Variants in ROCK2 observed in about 807,000 individuals in gnomAD.
ROCK2 encodes rho-associated protein kinase 2.
Under a neutral mutation model 195.1 loss-of-function variants are expected in ROCK2, and 61 were observed. That is an observed-to-expected ratio of 0.31 (90% CI 0.25 to 0.39). The LOEUF is 0.39. Among genes scored for constraint, ROCK2 ranks in the 10% least tolerant of loss-of-function variants. The probability of loss-of-function intolerance (pLI) is 1.00; values close to 1 mark genes in which losing one functional copy is unlikely to be tolerated. For missense variants in ROCK2, 1,109 were observed against 1,637.4 expected, an observed-to-expected ratio of 0.68 and a Z score of 5.57; for synonymous variants, 504 against 545.5, an observed-to-expected ratio of 0.92 and a Z score of 1.06.
chr2:11,288,633 T>C (rs2148196432), intron 1 of ROCK2, among the ~76,000 whole-genome samples: 1 of 150,070 alleles, frequency 6.7e-6, no homozygotes, highest in African/African-American at 2.4e-5. Context: ...ATGATCAGAC[T>C]GACACCCTGC....
At position 11,255,045 on chromosome 2, in the gene ROCK2, G is replaced by A. The variant is rs368802836; in HGVS notation, c.325-5247C>T. 1.8e-4 allele frequency among the ~76,000 whole-genome samples: 28 copies of A among 151,700 alleles called. 1 individual carries two copies. Among genetic ancestry groups the A allele is most frequent in the African/African-American group, 5.6e-4 (23 of 41,316 alleles). The stretch of plus-strand genomic sequence containing the variant: ...ATCCTGGCTAACACGGTGAAACCCC[G>A]TCTGTACTAAAAATACAAAAAATTA... On this transcript the variant is annotated intron_variant, in intron 3 of 32. Transcript: ENST00000315872.
chr2:11,330,584 G>A (rs553380159), intron 1 of ROCK2, among the ~76,000 whole-genome samples: 1 of 152,016 alleles, frequency 6.6e-6, no homozygotes, highest in Non-Finnish European at 1.5e-5. Flanking sequence ...GTTTTAAAAC[G>A]AAAAACTTTT....
intron 1 of ROCK2, among the ~76,000 whole-genome samples, chr2:11,300,009 C>T (rs1427508371): frequency 6.6e-6 from 1 of 152,148 alleles, no homozygotes; most frequent in African/African-American, 2.4e-5. Flanking sequence ...TCTCGGAAAG[C>T]GAATCTAATT....
At chr2:11,227,016 A>G (rs1411563000) in intron 6 of ROCK2, among the ~76,000 whole-genome samples, 2 of 151,828 alleles carry the variant, frequency 1.3e-5, no homozygotes, top group Non-Finnish European at 2.9e-5. Context: ...AATGTCTGAT[A>G]TATTTTTAAT....
intron 3 of ROCK2, among the ~76,000 whole-genome samples, chr2:11,285,999 T>A (rs193223520): frequency 4.0e-4 from 60 of 151,762 alleles, no homozygotes; most frequent in African/African-American, 1.4e-3. Context: ...AATTTGACTC[T>A]AATTTAACTA....
intron 20 of ROCK2, among the ~76,000 whole-genome samples, chr2:11,203,081 T>C (rs1292928876): frequency 6.6e-6 from 1 of 152,188 alleles, no homozygotes. Flanking sequence ...CACTTAGTAT[T>C]TGTGTACTTT....
chr2:11,283,594 GA>G (rs1667091294), intron 3 of ROCK2, among the ~76,000 whole-genome samples: 5 of 130,184 alleles, frequency 3.8e-5, no homozygotes, highest in African/African-American at 5.4e-5. Flanking sequence ...AAGCAAGAAA[GA>G]AAAGAAAAAA....
chr2:11,218,503 A>C, intron 10 of ROCK2, 37 bp from the exon 11 acceptor site: 6 of 1,385,000 alleles, frequency 4.3e-6, no homozygotes, highest in Non-Finnish European at 6.0e-6. Flanking sequence ...TTAAAATACT[A>C]AAATGATGGT....
intron 3 of ROCK2, among the ~76,000 whole-genome samples, chr2:11,263,296 A>T (rs1558338561): frequency 6.6e-6 from 1 of 152,196 alleles, no homozygotes; most frequent in Non-Finnish European, 1.5e-5. Flanking sequence ...CTTCAATGAA[A>T]ACTTTCTACA....
chr2:11,284,674 C>T (rs1667125194), intron 3 of ROCK2, among the ~76,000 whole-genome samples: 1 of 152,052 alleles, frequency 6.6e-6, no homozygotes, highest in Non-Finnish European at 1.5e-5. Flanking sequence ...TAAAGCAGCC[C>T]CAAATTTCTT....
chr2:11,285,886 T>A (rs1275208867), intron 3 of ROCK2, among the ~76,000 whole-genome samples: 1 of 151,958 alleles, frequency 6.6e-6, no homozygotes, highest in African/African-American at 2.4e-5. Context: ...GAAAAAAAAG[T>A]CTATCATGAC....
chr2:11,282,169 A>C (rs1009115166), intron 3 of ROCK2, among the ~76,000 whole-genome samples: 4 of 151,942 alleles, frequency 2.6e-5, no homozygotes, highest in African/African-American at 9.7e-5. Context: ...TGGGCAGCAT[A>C]GCAAAACCCC....
intron 4 of ROCK2, among the ~76,000 whole-genome samples, chr2:11,241,203 G>C (rs1018513920): frequency 5.3e-5 from 8 of 152,090 alleles, no homozygotes; most frequent in African/African-American, 1.7e-4. Flanking sequence ...AGTCAAATAA[G>C]CCAAATAGAA....
intron 3 of ROCK2, among the ~76,000 whole-genome samples, chr2:11,257,660 C>A (rs1666083912): frequency 6.6e-6 from 1 of 151,320 alleles, no homozygotes; most frequent in Non-Finnish European, 1.5e-5. Flanking sequence ...GAATCTGGAA[C>A]TGGTGACTCG....
chr2:11,281,346 C>G (rs1009869229), intron 3 of ROCK2, among the ~76,000 whole-genome samples: 3 of 151,874 alleles, frequency 2.0e-5, no homozygotes, highest in Non-Finnish European at 4.4e-5. Context: ...AGAACAAAAG[C>G]AAGGACATTT....
At chr2:11,305,906 C>A (rs72789517) in intron 1 of ROCK2, among the ~76,000 whole-genome samples, 6,677 of 152,128 alleles carry the variant, frequency 0.044, 273 homozygotes, top group Non-Finnish European at 0.06. Flanking sequence ...AAGAAGTGTA[C>A]AAGGACTGAT....
intron 3 of ROCK2, among the ~76,000 whole-genome samples, chr2:11,261,757 G>A (rs753649679): frequency 5.3e-5 from 8 of 152,114 alleles, no homozygotes; most frequent in African/African-American, 1.7e-4. Context: ...CCCAGGAGAC[G>A]GAGGATGCAG....
chr2:11,222,196 T>G, intron 7 of ROCK2, 22 bp from the exon 8 acceptor site: 1 of 1,360,168 alleles, frequency 7.4e-7, no homozygotes, highest in Non-Finnish European at 1.0e-6. Flanking sequence ...AGTTAAAGAT[T>G]GTATTATTTA....
In ROCK2 at chr2:11,272,886, A is replaced by G. The variant is rs906896477; in HGVS notation, c.324+13653T>C. On this transcript the variant is annotated intron_variant, in intron 3 of 32. Coordinates refer to ENST00000315872, the MANE Select transcript of ROCK2 (RefSeq NM_004850.5). ...CTCTGTCTCAAAAAAAAAAAAAAAA[A>G]AGAGCAAGAGTTACTGTATATTCTT... 2.0e-5 allele frequency among the ~76,000 whole-genome samples: 3 copies of G among 151,348 alleles called. No individual in the cohort carries two copies. In the East Asian group the frequency reaches 5.8e-4, roughly 29 times the overall value.
Sources: allele counts gnomAD v4.1 joint callset (sites outside exome capture counted in the v4.1 genomes callset), GRCh38; gene constraint gnomAD v4.1.1; transcripts MANE v1.5; gene names NCBI Gene and HGNC (gene_info 2026-07-23, HGNC 2026-07-21).